GRM7: variants seen among roughly 807,000 people sequenced by gnomAD.
GRM7 encodes metabotropic glutamate receptor 7.
GRM7 carries 35 observed loss-of-function variants against 84.5 expected under a neutral mutation model. That is an observed-to-expected ratio of 0.41 (90% CI 0.32 to 0.55). GRM7 has a LOEUF of 0.55. GRM7 is among the 20% of genes least tolerant of loss of function. The pLI is 0.19. For missense variants in GRM7, 1,003 were observed against 1,194.6 expected (o/e 0.84, Z 2.36); for synonymous variants, 487 against 455.1 (o/e 1.07, Z -0.89).
intron 7 of GRM7, among the ~76,000 whole-genome samples, chr3:7,494,681 G>A (rs1200875932): frequency 1.3e-5 from 2 of 152,104 alleles, no homozygotes; most frequent in Non-Finnish European, 1.5e-5. Context: ...AAGTTCTGAT[G>A]TGTCCTCTAC....
chr3:7,257,222 C>A (rs1698242190), intron 2 of GRM7, among the ~76,000 whole-genome samples: 1 of 152,178 alleles, frequency 6.6e-6, no homozygotes, highest in African/African-American at 2.4e-5. Flanking sequence ...GACCTCTCTG[C>A]TAACAGGTGT....
At chr3:7,390,731 G>A (rs1694957804) in intron 4 of GRM7, among the ~76,000 whole-genome samples, 1 of 151,806 alleles carries the variant, frequency 6.6e-6, no homozygotes, top group Non-Finnish European at 1.5e-5. Flanking sequence ...ATATAGCTAT[G>A]TCATCTTTCA....
intron 5 of GRM7, among the ~76,000 whole-genome samples, chr3:7,428,729 C>G (rs564720701): frequency 1.3e-5 from 2 of 152,226 alleles, no homozygotes; most frequent in South Asian, 4.2e-4. Flanking sequence ...ACAATGCTAG[C>G]ACAGGCAGAA....
intron 1 of GRM7, among the ~76,000 whole-genome samples, chr3:7,069,291 G>A (rs1361352584): frequency 1.3e-5 from 2 of 151,964 alleles, no homozygotes; most frequent in Admixed American, 1.3e-4. Context: ...AGTGAGTAGT[G>A]CAGTTGTGGG....
intron 2 of GRM7, among the ~76,000 whole-genome samples, chr3:7,203,795 A>G (rs948185920): frequency 6.6e-6 from 1 of 152,168 alleles, no homozygotes; most frequent in Non-Finnish European, 1.5e-5. Flanking sequence ...TATATAAAAC[A>G]TTTTGTTCTC....
At chr3:7,695,306 A>AG (rs1655731828) in intron 9 of GRM7, among the ~76,000 whole-genome samples, 1 of 152,326 alleles carries the variant, frequency 6.6e-6, no homozygotes, top group African/African-American at 2.4e-5. Context: ...ACACTCAATA[A>AG]GAAGCTGGGT....
chr3:7,034,616 A>G (rs532298666), intron 1 of GRM7, among the ~76,000 whole-genome samples: 2 of 152,344 alleles, frequency 1.3e-5, no homozygotes, highest in South Asian at 2.1e-4. Context: ...TTTGAGAACT[A>G]TAAGTCCTAT....
At chr3:7,434,104 T>C (rs115187821) in intron 5 of GRM7, among the ~76,000 whole-genome samples, 3,092 of 152,324 alleles carry the variant, frequency 0.02, 54 homozygotes, top group Non-Finnish European at 0.031. Context: ...AATAGTATCA[T>C]CGTAATTCTT....
intron 1 of GRM7, among the ~76,000 whole-genome samples, chr3:6,978,583 T>G (rs1694083883): frequency 1.3e-5 from 2 of 152,160 alleles, no homozygotes; most frequent in South Asian, 4.1e-4. Context: ...TTTAGTCAAA[T>G]GAATGCTGGG....
intron 5 of GRM7, among the ~76,000 whole-genome samples, chr3:7,426,357 G>T (rs1171979361): frequency 1.3e-5 from 2 of 152,070 alleles, no homozygotes; most frequent in East Asian, 3.9e-4. Flanking sequence ...ACCTCAGCAT[G>T]GTCTGTAGGG....
intron 7 of GRM7, chr3:7,520,384 G>A (rs1488715305): frequency 6.6e-6 from 1 of 152,016 alleles, no homozygotes; most frequent in Non-Finnish European, 1.5e-5. Context: ...TCCAGCTTAG[G>A]CATATAAAAG....
intron 8 of GRM7, among the ~76,000 whole-genome samples, chr3:7,611,513 A>G (rs1696845214): frequency 6.6e-6 from 1 of 152,150 alleles, no homozygotes; most frequent in South Asian, 2.1e-4. Context: ...CCAAGAAGGT[A>G]TAGAAGACAG....
At chr3:7,070,494 G>C (rs955057615) in intron 1 of GRM7, among the ~76,000 whole-genome samples, 2 of 152,028 alleles carry the variant, frequency 1.3e-5, no homozygotes, top group Non-Finnish European at 2.9e-5. Flanking sequence ...CTTCAGAAAC[G>C]GGTAATGGCA....
chr3:7,684,103 G>A (rs1458076779), intron 9 of GRM7, among the ~76,000 whole-genome samples: 5 of 152,160 alleles, frequency 3.3e-5, no homozygotes, highest in African/African-American at 1.2e-4. Flanking sequence ...GGAAAAGAAC[G>A]ATAGTGAAAA....
At chr3:7,398,323 A>C (rs1479494099) in intron 4 of GRM7, among the ~76,000 whole-genome samples, 3 of 152,154 alleles carry the variant, frequency 2.0e-5, no homozygotes, top group Non-Finnish European at 4.4e-5. Context: ...TTGAAATCAG[A>C]TAATTTATGG....
chr3:7,713,114 A>ATTTTTTTTTTTTTTTTTTTTTTTTTT (rs1165234212), intron 9 of GRM7, among the ~76,000 whole-genome samples: 1 of 129,852 alleles, frequency 7.7e-6, no homozygotes, highest in African/African-American at 3.1e-5. Context: ...GAGGATTCGA[A>ATTTTTTTTTTTTTTTTTTTTTTTTTT]TTTTGTTTTG....
chr3:7,566,220 G>A (rs1694262204), intron 7 of GRM7, among the ~76,000 whole-genome samples: 1 of 147,724 alleles, frequency 6.8e-6, no homozygotes, highest in Non-Finnish European at 1.5e-5. Context: ...CATAAAAGCA[G>A]CCATAAATAA....
intron 1 of GRM7, among the ~76,000 whole-genome samples, chr3:7,045,015 C>T (rs1457402266): frequency 6.6e-6 from 1 of 152,016 alleles, no homozygotes; most frequent in African/African-American, 2.4e-5. Flanking sequence ...GGCACAGAGA[C>T]CTGTTTCTAT....
chr3:7,190,473 G>C (rs1033141335), intron 2 of GRM7, among the ~76,000 whole-genome samples: 3 of 152,062 alleles, frequency 2.0e-5, no homozygotes, highest in Non-Finnish European at 4.4e-5. Flanking sequence ...TTAAAGCTAA[G>C]GGAGATTCTA....
Sources: allele counts gnomAD v4.1 joint callset (sites outside exome capture counted in the v4.1 genomes callset), GRCh38; gene constraint gnomAD v4.1.1; transcripts MANE v1.5; gene names NCBI Gene and HGNC (gene_info 2026-07-23, HGNC 2026-07-21).